The following CCDC102B variants were observed in gnomAD, a reference collection of about 807,000 sequenced individuals.
The protein encoded by CCDC102B is coiled-coil domain containing 102B.
In CCDC102B, 75 loss-of-function variants were observed where a neutral mutation model predicts 57.4. The observed-to-expected ratio is 1.31, with a 90% confidence interval of 1.08 to 1.58. The LOEUF (loss-of-function observed/expected upper bound fraction) is 1.58, where lower values mean the gene tolerates loss of function less well. CCDC102B is among the 40% of genes most tolerant of loss of function. CCDC102B has a pLI of 0.00. For synonymous variants in CCDC102B, 206 were observed against 201.9 expected, an observed-to-expected ratio of 1.02 and a Z score of -0.17; for missense variants, 636 against 582.6, an observed-to-expected ratio of 1.09 and a Z score of -0.94.
rs143077557 is a variant in CCDC102B, at chr18:69,021,050, A to G, written c.1434+9946A>G. 1.8e-4 allele frequency among the ~76,000 whole-genome samples: 28 copies of G among 152,350 alleles called. No homozygotes were observed. The East Asian group carries it at 5.0e-3, about 27-fold the overall frequency. On this transcript the variant is annotated intron_variant, in intron 7 of 7. Coordinates refer to ENST00000360242, the MANE Select transcript of CCDC102B (RefSeq NM_024781.3). The stretch of plus-strand genomic sequence containing the variant: ...ATCACCTTACAGTTACAGCTTAGCT[A>G]ATTCTGGCTTCACATTTTAATGTCT...
chr18:68,765,351 A>C (rs945127648), intron 2 of CCDC102B, among the ~76,000 whole-genome samples: 4 of 145,900 alleles, frequency 2.7e-5, no homozygotes, highest in Admixed American at 2.7e-4. Flanking sequence ...GAAAGAAAGA[A>C]AGAAAGAAAG....
intron 2 of CCDC102B, among the ~76,000 whole-genome samples, chr18:68,786,441 G>A (rs2035215815): frequency 7.3e-6 from 1 of 137,488 alleles, no homozygotes; most frequent in African/African-American, 2.9e-5. Flanking sequence ...TCACGATATT[G>A]ATTCTTCCTA....
chr18:69,035,582 G>A (rs1199622977), intron 7 of CCDC102B, among the ~76,000 whole-genome samples: 2 of 152,036 alleles, frequency 1.3e-5, no homozygotes, highest in East Asian at 3.9e-4. Context: ...TGTAACAAAT[G>A]CTATATACAT....
intron 1 of CCDC102B, among the ~76,000 whole-genome samples, chr18:68,833,376 T>C (rs1269517330): frequency 4.2e-5 from 4 of 94,228 alleles, no homozygotes; most frequent in Non-Finnish European, 8.4e-5. Context: ...TTTCCTATGC[T>C]TTTCCTGTTT....
chr18:69,007,385 G>A (rs2051380451), intron 6 of CCDC102B, among the ~76,000 whole-genome samples: 1 of 152,134 alleles, frequency 6.6e-6, no homozygotes, highest in Non-Finnish European at 1.5e-5. Context: ...TGTCACTCAA[G>A]GCGCATATAT....
intron 6 of CCDC102B, among the ~76,000 whole-genome samples, chr18:68,928,983 G>A (rs936246569): frequency 3.3e-5 from 5 of 151,862 alleles, no homozygotes; most frequent in African/African-American, 1.2e-4. Flanking sequence ...TTCTGAAGTG[G>A]TGATGAGAGG....
intron 6 of CCDC102B, among the ~76,000 whole-genome samples, chr18:69,009,942 T>TTTTTTTTTTTTTTTTTTTTG (rs2051460399): frequency 1.0e-5 from 1 of 99,848 alleles, no homozygotes; most frequent in Non-Finnish European, 2.1e-5. Context: ...TTTTTTTTTT[T>TTTTTTTTTTTTTTTTTTTTG]TTTTTTTGAG....
chr18:68,840,444 T>A (rs530105209), intron 3 of CCDC102B, among the ~76,000 whole-genome samples: 116 of 152,190 alleles, frequency 7.6e-4, no homozygotes, highest in Non-Finnish European at 1.1e-3. Context: ...AGATTCTTCA[T>A]CTGTATTTCA....
At chr18:68,773,798 CA>C (rs2034721459) in intron 2 of CCDC102B, among the ~76,000 whole-genome samples, 1 of 151,668 alleles carries the variant, frequency 6.6e-6, no homozygotes, top group South Asian at 2.1e-4. Context: ...ATTTGGGTGG[CA>C]AAACACCCAA....
At chr18:69,039,060 G>A (rs1316798129) in intron 7 of CCDC102B, among the ~76,000 whole-genome samples, 1 of 149,556 alleles carries the variant, frequency 6.7e-6, no homozygotes, top group African/African-American at 2.6e-5. Context: ...CAGTGCAACA[G>A]GGGGGTTCCT....
intron 5 of CCDC102B, among the ~76,000 whole-genome samples, chr18:68,895,891 G>A (rs1474744397): frequency 2.0e-5 from 3 of 151,836 alleles, no homozygotes; most frequent in Non-Finnish European, 4.4e-5. Context: ...AAATTACATT[G>A]ATGTCTCGAT....
At chr18:69,008,586 G>A (rs990519590) in intron 6 of CCDC102B, among the ~76,000 whole-genome samples, 5 of 152,176 alleles carry the variant, frequency 3.3e-5, no homozygotes, top group African/African-American at 4.8e-5. Flanking sequence ...CTAGGAGGTG[G>A]ACATTCTTGA....
chr18:68,822,475 T>C (rs1012741826), intron 1 of CCDC102B, among the ~76,000 whole-genome samples: 1 of 151,878 alleles, frequency 6.6e-6, no homozygotes, highest in African/African-American at 2.4e-5. Context: ...TAATTTGAAA[T>C]TGGGCATTTA....
chr18:68,925,213 C>T (rs1003761905), intron 6 of CCDC102B, among the ~76,000 whole-genome samples: 5 of 152,040 alleles, frequency 3.3e-5, no homozygotes, highest in African/African-American at 4.8e-5. Context: ...AACTATTCTT[C>T]GTTAGTTCTC....
In CCDC102B at chr18:68,970,493, T is replaced by C. The variant is rs965006884; in HGVS notation, c.1264-40441T>C. 4.6e-5 allele frequency among the ~76,000 whole-genome samples: 7 copies of C among 152,160 alleles called. No individual in the cohort carries two copies. The East Asian group carries it at 1.2e-3, about 25-fold the overall frequency. On this transcript the variant is annotated intron_variant, in intron 6 of 7. Transcript: ENST00000360242. ...TATTTTATGTGATTATTTATAAATA[T>C]GTAAAGTCTTCATCATTTGATTGTA...
chr18:68,786,949 A>C (rs992326365), intron 2 of CCDC102B, among the ~76,000 whole-genome samples: 3 of 152,198 alleles, frequency 2.0e-5, no homozygotes, highest in African/African-American at 7.2e-5. Context: ...ATTCAGCATG[A>C]TATTGGCTGT....
chr18:69,034,523 C>A (rs73453752), intron 7 of CCDC102B, among the ~76,000 whole-genome samples: 8,022 of 151,834 alleles, frequency 0.053, 730 homozygotes, highest in African/African-American at 0.18. Context: ...CCATAAATGT[C>A]AGATTTTCTT....
intron 2 of CCDC102B, among the ~76,000 whole-genome samples, chr18:68,747,951 C>T (rs991579178): frequency 1.4e-4 from 21 of 152,058 alleles, no homozygotes; most frequent in African/African-American, 4.8e-4. Flanking sequence ...TCTGTTTTCC[C>T]TAGTCATTTC....
At chr18:68,997,450 G>GCTTACCGATAAGCA (rs2051061709) in intron 6 of CCDC102B, among the ~76,000 whole-genome samples, 1 of 151,930 alleles carries the variant, frequency 6.6e-6, no homozygotes, top group African/African-American at 2.4e-5. Flanking sequence ...ACCGATAAGT[G>GCTTACCGATAAGCA]TTCTGGCAAA....
Sources: allele counts gnomAD v4.1 joint callset (sites outside exome capture counted in the v4.1 genomes callset), GRCh38; gene constraint gnomAD v4.1.1; transcripts MANE v1.5; gene names NCBI Gene and HGNC (gene_info 2026-07-23, HGNC 2026-07-21).